Variants in CACNA2D4 observed in about 807,000 individuals in gnomAD.
CACNA2D4 encodes voltage-dependent calcium channel subunit alpha-2/delta-4.
In CACNA2D4, 157 loss-of-function variants were observed where a neutral mutation model predicts 163.8. The ratio of observed to expected loss-of-function variants is 0.96; its 90% CI spans 0.84 to 1.09. The LOEUF (loss-of-function observed/expected upper bound fraction) is 1.09, where lower values mean the gene tolerates loss of function less well. CACNA2D4 is among the 50% of genes least tolerant of loss of function. The pLI is 0.00. For synonymous variants in CACNA2D4, 598 were observed against 586.9 expected (o/e 1.02, Z -0.27); for missense variants, 1,410 against 1,479.9 (o/e 0.95, Z 0.78).
At chr12:1,896,424 A>C (rs1866401302) in intron 6 of CACNA2D4, among the ~76,000 whole-genome samples, 1 of 152,158 alleles carries the variant, frequency 6.6e-6, no homozygotes, top group South Asian at 2.1e-4. Flanking sequence ...ATCCCATTGA[A>C]ATGTGGGCAA....
In CACNA2D4 at chr12:1,894,554, A is replaced by T. The variant is rs114390734; in HGVS notation, c.782-7485T>A. ...ATATAATATGCCATGATCAAGTGGG[A>T]TTTATACTAGGGATGCAAGGATGGT... is the stretch of plus-strand genomic sequence containing the variant. On this transcript the variant is annotated intron_variant, in intron 6 of 37. Coordinates refer to ENST00000382722, the MANE Select transcript of CACNA2D4 (RefSeq NM_172364.5). Among the ~76,000 whole-genome samples, 834 of 152,298 alleles carry T rather than the reference A, an allele frequency of 5.5e-3. 2 individuals are homozygous for T. Among genetic ancestry groups the T allele is most frequent in the African/African-American group, 0.02 (811 of 41,566 alleles).
chr12:1,872,217 G>A (rs1865801565), intron 18 of CACNA2D4, among the ~76,000 whole-genome samples: 1 of 152,168 alleles, frequency 6.6e-6, no homozygotes, highest in Non-Finnish European at 1.5e-5. Flanking sequence ...CAGATGGTGT[G>A]TGTTCTCTCA....
At chr12:1,861,298 C>T (rs1399676292) in intron 18 of CACNA2D4, among the ~76,000 whole-genome samples, 1 of 152,202 alleles carries the variant, frequency 6.6e-6, no homozygotes, top group Non-Finnish European at 1.5e-5. Flanking sequence ...TCTGGCTCCT[C>T]TGCCCAGTCA....
intron 25 of CACNA2D4, among the ~76,000 whole-genome samples, chr12:1,842,431 G>C (rs1056981593): frequency 6.6e-6 from 1 of 152,200 alleles, no homozygotes; most frequent in African/African-American, 2.4e-5. Flanking sequence ...CTTGAAACGC[G>C]GTTGTTTTCC....
intron 13 of CACNA2D4, among the ~76,000 whole-genome samples, chr12:1,880,364 C>G (rs960441784): frequency 5.3e-5 from 8 of 152,374 alleles, no homozygotes; most frequent in African/African-American, 1.9e-4. Flanking sequence ...CGAGGCACTG[C>G]AGTGCAAAGG....
rs747585848 is a variant in CACNA2D4 at position 1,800,023 on chromosome 12, G to T, written c.2951C>A (p.Ser984Tyr). 2 of 1,605,208 alleles carry T rather than the reference G, an allele frequency of 1.2e-6. No individual in the cohort carries two copies. Among genetic ancestry groups the T allele is most frequent in the Non-Finnish European group, 8.5e-7 (1 of 1,176,128 alleles). Reference protein sequence around the residue: ...LFLLEWSVWGSWYDRGAEAKS... With the variant: ...LFLLEWSVWGYWYDRGAEAKS... Reference sequence around the variant, plus strand: ...ACCCTCGGCCCCTCTGTCGTACCAGGAGCCCCAGACACTCCACTCCAGCAG... The same window carrying T: ...ACCCTCGGCCCCTCTGTCGTACCAGTAGCCCCAGACACTCCACTCCAGCAG... The change falls in exon 33 of 38, where the codon TCC (serine) becomes TAC (tyrosine). Residue 984 changes from serine (S) to tyrosine (Y), a missense_variant. Coordinates refer to ENST00000382722, the MANE Select transcript of CACNA2D4 (RefSeq NM_172364.5).
chr12:1,890,306 G>A (rs114279654), intron 6 of CACNA2D4, among the ~76,000 whole-genome samples: 2,340 of 152,276 alleles, frequency 0.015, 66 homozygotes, highest in Admixed American at 0.064. Flanking sequence ...ACCAGACTGC[G>A]TCCTGCCTGG....
intron 29 of CACNA2D4, among the ~76,000 whole-genome samples, chr12:1,808,842 A>T (rs1863622916): frequency 6.6e-6 from 1 of 152,226 alleles, no homozygotes; most frequent in Non-Finnish European, 1.5e-5. Context: ...TTCTCCCAGA[A>T]CAACGGAAAA....
At position 1,793,691 on chromosome 12, in the gene CACNA2D4, C is replaced by T; in HGVS notation, c.3378G>A (p.Val1126=). ...SASPPLLLLP[V]CAWGLLPQLL... ...GTTGGGGCAGTAGCCCCCAGGCACA[C>T]ACAGGCAGCAGGAGTAGGGGCGGCG... The change falls in exon 38 of 38, where the codon GTG becomes GTA. Residue 1126 remains valine (V), a synonymous_variant. Transcript: ENST00000382722. 1 of 1,613,842 alleles carries T rather than the reference C, an allele frequency of 6.2e-7. No homozygotes were observed. The highest frequency in any genetic ancestry group is 8.5e-7 in the Non-Finnish European group (1 of 1,179,908).
At chr12:1,809,252 ATGCGTGGAGG>A in intron 29 of CACNA2D4, 1 of 499,004 alleles carries the variant, frequency 2.0e-6, no homozygotes, top group Non-Finnish European at 3.5e-6. Flanking sequence ...CAGCCCTACC[ATGCGTGGAGG>A]TGGCCTTGGC....
At position 1,843,932 on chromosome 12, in the gene CACNA2D4, T is replaced by C. The variant is rs1291733494; in HGVS notation, c.2470+470A>G. On this transcript the variant is annotated intron_variant, in intron 25 of 37. Transcript: ENST00000382722. The surrounding 1 kb of genome is among the most constrained non-coding windows in gnomAD (Gnocchi z 4.6). ...GCTCCCTGAGGCTGGTCCTGGGTGG[T>C]CCTGGGTAACTGGGGACGGGTTGCT... 6.6e-6 allele frequency among the ~76,000 whole-genome samples: 1 copy of C among 152,010 alleles called. No homozygotes were observed. The highest frequency in any genetic ancestry group is 1.5e-5 in the Non-Finnish European group (1 of 68,002).
Position 1,799,596 on chromosome 12 carries a change from A to T in CACNA2D4, c.2995+79T>A, listed in dbSNP as rs1271862376. 1.4e-6 allele frequency: 2 copies of T among 1,452,004 alleles called. No individual in the cohort carries two copies. The highest frequency in any genetic ancestry group is 2.8e-5 in the African/African-American group (2 of 71,068). The allele number at this position is 1,452,004 out of a possible 1,614,324, so 89.9% of individuals were successfully genotyped here. Reference sequence around the variant, plus strand: ...CTTGGGGTCATTCCTGGGACAGGTCATGGAGGGTGGGTTCTTTGTAGCTCC... The same window carrying T: ...CTTGGGGTCATTCCTGGGACAGGTCTTGGAGGGTGGGTTCTTTGTAGCTCC... On this transcript the variant is annotated intron_variant, in intron 34 of 37. Transcript: ENST00000382722. The surrounding 1 kb of genome is among the most constrained non-coding windows in gnomAD (Gnocchi z 4.7).
rs992292660 is a variant in CACNA2D4 at position 1,820,975 on chromosome 12, C to T, written c.2552-9252G>A. ...TGGGGCCGAAGAAGCTGCTCGGGCT[C>T]AGGCACCTGAGCATCCCAAAGGTGC... On this transcript the variant is annotated intron_variant, in intron 26 of 37. Coordinates refer to ENST00000382722, the MANE Select transcript of CACNA2D4 (RefSeq NM_172364.5). The surrounding 1 kb of genome is among the most constrained non-coding windows in gnomAD (Gnocchi z 6.0). Among the ~76,000 whole-genome samples, 2 of 152,218 alleles carry T rather than the reference C, an allele frequency of 1.3e-5. No individual in the cohort carries two copies. Among genetic ancestry groups the T allele is most frequent in the African/African-American group, 2.4e-5 (1 of 41,454 alleles).
chr12:1,795,243 C>A, intron 37 of CACNA2D4, 56 bp downstream of exon 37: 1 of 1,514,860 alleles, frequency 6.6e-7, no homozygotes, highest in Non-Finnish European at 9.1e-7. Context: ...CAGACCCAGG[C>A]ACAGAGGGTT....
At position 1,841,124 on chromosome 12, in the gene CACNA2D4, A is replaced by G. The variant is rs544310296; in HGVS notation, c.2471-305T>C. ...CTGCGGCATGCATTTTGCCCACAAC[A>G]CCTGTGTTGTATCCAGTGATCCCTT... On this transcript the variant is annotated intron_variant, in intron 25 of 37. Transcript: ENST00000382722. Among the ~76,000 whole-genome samples the G allele has an allele frequency of 1.2e-3, 181 of 152,232 alleles. 1 individual carries two copies. The highest frequency in any genetic ancestry group is 4.1e-3 in the African/African-American group (169 of 41,534).
At chr12:1,823,885 C>T (rs542921109) in intron 26 of CACNA2D4, among the ~76,000 whole-genome samples, 4 of 152,350 alleles carry the variant, frequency 2.6e-5, no homozygotes, top group African/African-American at 9.6e-5. Flanking sequence ...TTTCCTACCT[C>T]TGCCTTTCCT....
chr12:1,913,048 A>C lies in CACNA2D4; in HGVS notation c.401T>G (p.Leu134Arg), dbSNP rs750674055. The change falls in exon 3 of 38, where the codon CTG (leucine) becomes CGG (arginine). Residue 134 changes from leucine (L) to arginine (R), a missense_variant. Leu to Arg is a moderately radical substitution (Grantham distance 102). Transcript: ENST00000382722. ...RKFSEDMENM[L>R]RRKVEAVQNL... Reference sequence around the variant, plus strand: ...CTGGACCGCCTCGACTTTCCTCCGCAGCATGTTCTCCATGTCCTCTGAGAA... The same window carrying C: ...CTGGACCGCCTCGACTTTCCTCCGCCGCATGTTCTCCATGTCCTCTGAGAA... 1.1e-5 allele frequency: 18 copies of C among 1,613,458 alleles called. No individual in the cohort carries two copies. The highest frequency in any genetic ancestry group is 1.5e-5 in the Non-Finnish European group (18 of 1,179,542).
At chr12:1,873,604 G>A (rs530161525) in intron 18 of CACNA2D4, among the ~76,000 whole-genome samples, 14 of 152,318 alleles carry the variant, frequency 9.2e-5, no homozygotes, top group African/African-American at 3.1e-4. Context: ...TGCTGTGGCC[G>A]TGCTGGGCTC....
chr12:1,838,903 G>GC (rs1280227625), intron 26 of CACNA2D4, among the ~76,000 whole-genome samples: 1 of 152,204 alleles, frequency 6.6e-6, no homozygotes, highest in African/African-American at 2.4e-5. Flanking sequence ...GGTTTAGTGT[G>GC]CCCTGGGCCC....
Sources: allele counts gnomAD v4.1 joint callset (sites outside exome capture counted in the v4.1 genomes callset), GRCh38; gene constraint gnomAD v4.1.1; non-coding constraint Gnocchi (gnomAD v3.1); transcripts MANE v1.5; gene names NCBI Gene and HGNC (gene_info 2026-07-23, HGNC 2026-07-21).